The following FOXP1 variants were observed in gnomAD, a reference collection of about 807,000 sequenced individuals.
FOXP1 encodes the protein forkhead box P1, also known as forkhead box protein P1.
In FOXP1, 15 loss-of-function variants were observed where a neutral mutation model predicts 98.2. That is an observed-to-expected ratio of 0.15 (90% CI 0.10 to 0.24). The LOEUF is 0.24. Ranked by LOEUF, FOXP1 falls within the 10% of genes least tolerant of loss-of-function variation. The pLI is 1.00. For missense variants in FOXP1, 633 were observed against 848.5 expected, an observed-to-expected ratio of 0.75 and a Z score of 3.15; for synonymous variants, 371 against 314.5, an observed-to-expected ratio of 1.18 and a Z score of -1.90.
At chr3:71,450,234 A>T (rs1054938362) in intron 3 of FOXP1, among the ~76,000 whole-genome samples, 4 of 152,248 alleles carry the variant, frequency 2.6e-5, no homozygotes, top group African/African-American at 9.6e-5. Context: ...AAACAAATAG[A>T]TTCACAACTA....
intron 2 of FOXP1, among the ~76,000 whole-genome samples, chr3:71,577,386 A>G (rs746753226): frequency 1.3e-5 from 2 of 152,064 alleles, no homozygotes; most frequent in Non-Finnish European, 2.9e-5. Context: ...AATCTGCTTA[A>G]TTTCCATTAA....
At chr3:71,117,993 CA>C (rs544146375) in intron 6 of FOXP1, among the ~76,000 whole-genome samples, 198 of 152,248 alleles carry the variant, frequency 1.3e-3, no homozygotes, top group Non-Finnish European at 2.5e-3. Flanking sequence ...GTGGGTGGGT[CA>C]GGGGGAGTGG....
At chr3:71,380,737 T>A (rs1307823820) in intron 3 of FOXP1, among the ~76,000 whole-genome samples, 1 of 131,820 alleles carries the variant, frequency 7.6e-6, no homozygotes, top group Non-Finnish European at 1.6e-5. Flanking sequence ...AATCTTATGG[T>A]ATTGTGTTTG....
At chr3:71,159,909 C>G (rs2061046621) in intron 6 of FOXP1, among the ~76,000 whole-genome samples, 1 of 152,050 alleles carries the variant, frequency 6.6e-6, no homozygotes, top group Admixed American at 6.5e-5. Flanking sequence ...AAAATTAGCC[C>G]AAATGTAAGA....
At position 71,566,873 on chromosome 3, in the gene FOXP1, C is replaced by G. The variant is rs139759173; in HGVS notation, c.-298+14676G>C. On this transcript the variant is annotated intron_variant, in intron 2 of 20. Transcript: ENST00000649528. ...TCCTTGAGCCTGGGCCCTGGGTGCT[C>G]CTAATAATCTCATCACACCCCATCC... is the stretch of plus-strand genomic sequence containing the variant. Among the ~76,000 whole-genome samples, 419 of 152,158 alleles carry G rather than the reference C, an allele frequency of 2.8e-3. 1 individual carries two copies. The highest frequency in any genetic ancestry group is 9.2e-3 in the African/African-American group (380 of 41,512).
At chr3:71,388,890 T>C (rs1038623709) in intron 3 of FOXP1, among the ~76,000 whole-genome samples, 1 of 149,556 alleles carries the variant, frequency 6.7e-6, no homozygotes, top group African/African-American at 2.5e-5. Flanking sequence ...GAGCGAATGG[T>C]CTTTATAGTA....
chr3:71,280,634 T>C lies in FOXP1; in HGVS notation c.-12+19186A>G, dbSNP rs138393906. ...CCACCATGCCCAGCCTACAATATCTTTTTTTTTTGTTTTCAAAATAATTCA... is the reference window on the plus strand; with the variant it reads ...CCACCATGCCCAGCCTACAATATCTCTTTTTTTTGTTTTCAAAATAATTCA... On this transcript the variant is annotated intron_variant, in intron 5 of 20. Transcript: ENST00000649528. 1.3e-3 allele frequency among the ~76,000 whole-genome samples: 199 copies of C among 150,838 alleles called. No homozygotes were observed. In the Middle Eastern group the frequency reaches 0.014, roughly 10 times the overall value.
intron 2 of FOXP1, among the ~76,000 whole-genome samples, chr3:71,500,163 A>G (rs1321208813): frequency 6.6e-6 from 1 of 152,180 alleles, no homozygotes; most frequent in South Asian, 2.1e-4. Context: ...GTTTCTTTCA[A>G]CTCACCAGAG....
chr3:71,057,203 A>G (rs2050769496), intron 7 of FOXP1, among the ~76,000 whole-genome samples: 1 of 149,732 alleles, frequency 6.7e-6, no homozygotes, highest in Non-Finnish European at 1.5e-5. Context: ...GTTTAAATCA[A>G]TAGTATTTAA....
intron 3 of FOXP1, among the ~76,000 whole-genome samples, chr3:71,489,862 T>C (rs547432196): frequency 6.6e-6 from 1 of 152,344 alleles, no homozygotes; most frequent in African/African-American, 2.4e-5. Context: ...TTTTATTTCA[T>C]GGTTTCGTTT....
chr3:71,559,330 G>A (rs967348310), intron 2 of FOXP1, among the ~76,000 whole-genome samples: 1 of 152,174 alleles, frequency 6.6e-6, no homozygotes, highest in African/African-American at 2.4e-5. Flanking sequence ...CTGATAGAAT[G>A]GACAACTGCT....
At chr3:71,534,294 G>T (rs1008048576) in intron 2 of FOXP1, among the ~76,000 whole-genome samples, 1 of 152,114 alleles carries the variant, frequency 6.6e-6, no homozygotes, top group Non-Finnish European at 1.5e-5. Flanking sequence ...ACCTGGGGGG[G>T]TGGAGGTTGC....
intron 5 of FOXP1, among the ~76,000 whole-genome samples, chr3:71,268,704 G>A (rs1353708156): frequency 6.6e-6 from 1 of 152,182 alleles, no homozygotes; most frequent in Non-Finnish European, 1.5e-5. Context: ...ATTCTCATCA[G>A]TGGGCTGGGA....
Position 71,374,683 on chromosome 3 carries a change from G to A in FOXP1, c.-167-15439C>T, listed in dbSNP as rs1488599831. Among the ~76,000 whole-genome samples the A allele has an allele frequency of 7.2e-5, 11 of 152,302 alleles. No individual in the cohort carries two copies. The East Asian group carries it at 2.1e-3, about 29-fold the overall frequency. On this transcript the variant is annotated intron_variant, in intron 3 of 20. Coordinates refer to ENST00000649528, the MANE Select transcript of FOXP1 (RefSeq NM_001349338.3). ...AAGCTATTGGAGGTAGCAAAAAGGT[G>A]AGAAATAATTATTGTGCAAGTATCC...
rs146065207 is a variant in FOXP1, at chr3:71,121,262, G to C, written c.181-8625C>G. On this transcript the variant is annotated intron_variant, in intron 6 of 20. Coordinates refer to ENST00000649528, the MANE Select transcript of FOXP1 (RefSeq NM_001349338.3). The stretch of plus-strand genomic sequence containing the variant: ...GCCAATCAAGCCCAGGAAGGGGTCA[G>C]CAAACCCTGTATCCGCTTGCAATTA... Among the ~76,000 whole-genome samples, 330 of 151,440 alleles carry C rather than the reference G, an allele frequency of 2.2e-3. 5 individuals are homozygous for C. In the East Asian group the frequency reaches 0.022, roughly 10 times the overall value.
chr3:71,025,643 A>G (rs899879683), intron 11 of FOXP1, among the ~76,000 whole-genome samples: 3 of 152,218 alleles, frequency 2.0e-5, no homozygotes, highest in African/African-American at 7.2e-5. Context: ...AACGTAACAA[A>G]ACAGGTAAGG....
chr3:71,115,270 C>T (rs844245), intron 6 of FOXP1, among the ~76,000 whole-genome samples: 41,440 of 151,404 alleles, frequency 0.27, 6,226 homozygotes, highest in East Asian at 0.6. Context: ...TACCACATTC[C>T]ACCAAATACT....
chr3:71,458,497 T>A (rs976681761), intron 3 of FOXP1, among the ~76,000 whole-genome samples: 4 of 152,196 alleles, frequency 2.6e-5, no homozygotes, highest in Admixed American at 2.6e-4. Context: ...TTTTTTTAAT[T>A]TTGGGAAAGT....
At chr3:71,058,904 AG>A (rs1351800298) in intron 7 of FOXP1, among the ~76,000 whole-genome samples, 1 of 151,836 alleles carries the variant, frequency 6.6e-6, no homozygotes, top group African/African-American at 2.4e-5. Flanking sequence ...AAAAAAAAAA[AG>A]CATGCTATTT....
Sources: gnomAD v4.1 joint callset for allele counts (sites outside exome capture counted in the v4.1 genomes callset) on GRCh38, gnomAD v4.1.1 for gene constraint, MANE v1.5 for transcripts, NCBI Gene and HGNC (gene_info 2026-07-23, HGNC 2026-07-21) for gene names.